The following STAT1 variants were observed in gnomAD, a reference collection of about 807,000 sequenced individuals.
STAT1 encodes signal transducer and activator of transcription 1.
Under a neutral mutation model 111.7 loss-of-function variants are expected in STAT1, and 24 were observed. The ratio of observed to expected loss-of-function variants is 0.21; its 90% CI spans 0.16 to 0.30. The LOEUF is 0.30. STAT1 is among the 10% of genes least tolerant of loss of function. The pLI, the probability that STAT1 is intolerant of heterozygous loss-of-function variation, is 1.00. For missense variants in STAT1, 351 were observed against 911.9 expected (o/e 0.38, Z 7.92); for synonymous variants, 332 against 326.5 (o/e 1.02, Z -0.18).
chr2:190,991,411 A>G (rs571491359), intron 10 of STAT1, 91 bp from the exon 11 acceptor site: 1 of 1,137,434 alleles, frequency 8.8e-7, no homozygotes, highest in African/African-American at 1.5e-5. Flanking sequence ...AAAGGGGGTT[A>G]GAGAGTACGA....
rs1238513693 is a variant in STAT1, at chr2:190,980,502, C to G, written c.1632+118G>C. 17 of 1,237,432 alleles carry G rather than the reference C, an allele frequency of 1.4e-5. No homozygotes were observed. Among genetic ancestry groups the G allele is most frequent in the Non-Finnish European group, 2.0e-5 (17 of 840,914 alleles). 76.7% of individuals were successfully genotyped at this position (1,237,432 alleles called of 1,614,324 possible). ...ACAACTTGCCCGAGGGGCTCCTTGG[C>G]CAGAGAAGAACACGCCAAAATAAGC... On this transcript the variant is annotated intron_variant, in intron 19 of 24. Transcript: ENST00000361099. This position sits in a 1 kb window ranked among gnomAD's most constrained non-coding sequence, Gnocchi z 6.1.
chr2:190,985,286 T>C (rs1692716106), intron 15 of STAT1, among the ~76,000 whole-genome samples: 1 of 152,224 alleles, frequency 6.6e-6, no homozygotes, highest in South Asian at 2.1e-4. Flanking sequence ...ACTCTGACAG[T>C]AACTCTGTGC....
rs1574632851 is a variant in STAT1 at position 190,970,851 on chromosome 2, A to G, written c.2239-134T>C. The stretch of plus-strand genomic sequence containing the variant: ...TTGCAATGGCAAATAAATACCGTGG[A>G]ATAAGAGGGCCTTCAGCATGTACTA... On this transcript the variant is annotated intron_variant, in intron 24 of 24. Coordinates refer to ENST00000361099, the MANE Select transcript of STAT1 (RefSeq NM_007315.4). This position sits in a 1 kb window ranked among gnomAD's most constrained non-coding sequence, Gnocchi z 5.4. 3 of 835,716 alleles carry G rather than the reference A, an allele frequency of 3.6e-6. No individual in the cohort carries two copies. In the East Asian group the frequency reaches 7.8e-5, roughly 22 times the overall value. The allele number at this position is 835,716 out of a possible 1,614,324, so 51.8% of individuals were successfully genotyped here.
At position 190,981,264 on chromosome 2, in the gene STAT1, C is replaced by T. The variant is rs1295218088; in HGVS notation, c.1583-595G>A. On this transcript the variant is annotated intron_variant, in intron 18 of 24. Coordinates refer to ENST00000361099, the MANE Select transcript of STAT1 (RefSeq NM_007315.4). The surrounding 1 kb of genome is among the most constrained non-coding windows in gnomAD (Gnocchi z 4.1). ...TTCAACCTAGGTGCCCAAGATCACC[C>T]CTAGATCTTCAATGTAACTGATACT... 6.6e-6 allele frequency among the ~76,000 whole-genome samples: 1 copy of T among 152,110 alleles called. No homozygotes were observed. Among genetic ancestry groups the T allele is most frequent in the African/African-American group, 2.4e-5 (1 of 41,398 alleles).
Position 191,009,074 on chromosome 2 carries a change from G to A in STAT1, c.162C>T (p.Thr54=), listed in dbSNP as rs757262564. The change falls in exon 4 of 25, where the codon ACC becomes ACT. Residue 54 remains threonine (T), a synonymous_variant. Coordinates refer to ENST00000361099, the MANE Select transcript of STAT1 (RefSeq NM_007315.4). Reference sequence around the variant, plus strand: ...GTGACAGGAGGTCATGAAAACGGATGGTGGCAAATGAAACATCATTGGCAG... The same window carrying A: ...GTGACAGGAGGTCATGAAAACGGATAGTGGCAAATGAAACATCATTGGCAG... ...EHAANDVSFA[T]IRFHDLLSQL... is the part of the protein sequence containing the mutation. The A allele has an allele frequency of 8.1e-6, 13 of 1,613,944 alleles. No homozygotes were observed. In the South Asian group the frequency reaches 1.1e-4, roughly 14 times the overall value.
In STAT1 at chr2:190,998,453, G is replaced by A. The variant is rs1272212478; in HGVS notation, c.542-145C>T. The A allele has an allele frequency of 1.6e-5, 11 of 703,944 alleles. No homozygotes were observed. The highest frequency in any genetic ancestry group is 4.7e-5 in the Admixed American group (2 of 42,822). The allele number at this position is 703,944 out of a possible 1,614,324, so 43.6% of individuals were successfully genotyped here. A position where few individuals can be genotyped will look rare whatever the true frequency, so the allele number is the denominator to read the frequency against. On this transcript the variant is annotated intron_variant, in intron 7 of 24. Coordinates refer to ENST00000361099, the MANE Select transcript of STAT1 (RefSeq NM_007315.4). The surrounding 1 kb of genome is among the most constrained non-coding windows in gnomAD (Gnocchi z 4.1). ...GCTTTCTTCGATCTTTAATGAACAT[G>A]AAAAAAAGTCCTAAGTATAACAACT...
chr2:191,014,125 C>A lies in STAT1; in HGVS notation c.-263G>T, dbSNP rs371724653. 3.2e-5 allele frequency: 5 copies of A among 155,808 alleles called. No homozygotes were observed. The highest frequency in any genetic ancestry group is 3.7e-4 in the East Asian group (2 of 5,432). 9.7% of individuals were successfully genotyped at this position (155,808 alleles called of 1,614,324 possible). A position where few individuals can be genotyped will look rare whatever the true frequency, so the allele number is the denominator to read the frequency against. ...CTGGGGTCTGCCAGGCGCGATCCCC[C>A]CGGTGCAGCCGAGCCCCTCCGCAGA... On this transcript the variant is annotated 5_prime_UTR_variant, in exon 1 of 25. Transcript: ENST00000361099.
At chr2:191,002,296 G>A (rs1694331530) in intron 5 of STAT1, among the ~76,000 whole-genome samples, 1 of 152,110 alleles carries the variant, frequency 6.6e-6, no homozygotes. Flanking sequence ...CCAGTGCTCT[G>A]AGCTGCCAAC....
At chr2:190,988,909 G>GT (rs1184137136) in intron 12 of STAT1, among the ~76,000 whole-genome samples, 1 of 150,734 alleles carries the variant, frequency 6.6e-6, no homozygotes, top group Non-Finnish European at 1.5e-5. Context: ...TATGGGAGGG[G>GT]TGGGGGGGGA....
In STAT1 at chr2:190,996,724, T is replaced by C. The variant is rs1170943947; in HGVS notation, c.785+1132A>G. 6.6e-6 allele frequency among the ~76,000 whole-genome samples: 1 copy of C among 152,242 alleles called. No homozygotes were observed. Among genetic ancestry groups the C allele is most frequent in the Non-Finnish European group, 1.5e-5 (1 of 68,042 alleles). On this transcript the variant is annotated intron_variant, in intron 9 of 24. Coordinates refer to ENST00000361099, the MANE Select transcript of STAT1 (RefSeq NM_007315.4). This position sits in a 1 kb window ranked among gnomAD's most constrained non-coding sequence, Gnocchi z 4.5. Reference sequence around the variant, plus strand: ...ATGGCTGAATATTAATTGTGATTTTTTTAAAAACTGGCAATATAGAAAATA... The same window carrying C: ...ATGGCTGAATATTAATTGTGATTTTCTTAAAAACTGGCAATATAGAAAATA...
Position 190,998,464 on chromosome 2 carries a change from C to G in STAT1, c.542-156G>C, listed in dbSNP as rs577914215. Among the ~76,000 whole-genome samples, 5 of 152,104 alleles carry G rather than the reference C, an allele frequency of 3.3e-5. No homozygotes were observed. In the East Asian group the frequency reaches 9.7e-4, roughly 29 times the overall value. On this transcript the variant is annotated intron_variant, in intron 7 of 24. Transcript: ENST00000361099. The surrounding 1 kb of genome is among the most constrained non-coding windows in gnomAD (Gnocchi z 4.1). ...TCTTTAATGAACATGAAAAAAAGTC[C>G]TAAGTATAACAACTAGACACACTGA...
In STAT1 at chr2:190,984,253, T is replaced by C; in HGVS notation, c.1347+57A>G. On this transcript the variant is annotated intron_variant, in intron 16 of 24. Coordinates refer to ENST00000361099, the MANE Select transcript of STAT1 (RefSeq NM_007315.4). The surrounding 1 kb of genome is among the most constrained non-coding windows in gnomAD (Gnocchi z 5.2). ...AAACACTGAGAAATAAAAATACATGTAACAATTAAAAGTAAAAATAATGAA... is the reference window on the plus strand; with the variant it reads ...AAACACTGAGAAATAAAAATACATGCAACAATTAAAAGTAAAAATAATGAA... 7.4e-7 allele frequency: 1 copy of C among 1,356,874 alleles called. No homozygotes were observed. The highest frequency in any genetic ancestry group is 1.7e-5 in the Admixed American group (1 of 58,764). The allele number at this position is 1,356,874 out of a possible 1,614,324, so 84.1% of individuals were successfully genotyped here.
In STAT1 at chr2:190,980,481, C is replaced by G. The variant is rs1017372441; in HGVS notation, c.1632+139G>C. 1.0e-6 allele frequency: 1 copy of G among 996,668 alleles called. No individual in the cohort carries two copies. Among genetic ancestry groups the G allele is most frequent in the Non-Finnish European group, 1.6e-6 (1 of 634,940 alleles). 61.7% of individuals were successfully genotyped at this position (996,668 alleles called of 1,614,324 possible). On this transcript the variant is annotated intron_variant, in intron 19 of 24. Transcript: ENST00000361099. This position sits in a 1 kb window ranked among gnomAD's most constrained non-coding sequence, Gnocchi z 6.1. ...TCCTGCACTGAAGAAAAGTAAACAA[C>G]TTGCCCGAGGGGCTCCTTGGCCAGA... is the stretch of plus-strand genomic sequence containing the variant.
At position 190,994,955 on chromosome 2, in the gene STAT1, TATAA is replaced by T. The variant is rs72330702; in HGVS notation, c.944+102_944+105del. On this transcript the variant is annotated intron_variant, in intron 10 of 24. Coordinates refer to ENST00000361099, the MANE Select transcript of STAT1 (RefSeq NM_007315.4). ...ATATATATATATATATATATATATA[TATAA>T]AAAACACCTATTAAACCCTTGTAAA... The T allele has an allele frequency of 0.024, 9,607 of 401,558 alleles. 370 individuals carry two copies. Among genetic ancestry groups the T allele is most frequent in the African/African-American group, 0.094 (3,396 of 36,110 alleles). The allele number at this position is 401,558 out of a possible 1,614,324, so 24.9% of individuals were successfully genotyped here. A position where few individuals can be genotyped will look rare whatever the true frequency, so the allele number is the denominator to read the frequency against.
At position 190,987,095 on chromosome 2, in the gene STAT1, T is replaced by C. The variant is rs777085599; in HGVS notation, c.1098-27A>G. 9.7e-6 allele frequency: 15 copies of C among 1,543,978 alleles called. No individual in the cohort carries two copies. Among genetic ancestry groups the C allele is most frequent in the African/African-American group, 6.8e-5 (5 of 73,242 alleles). ...TGCAAAAAAAATATATATAATCACA[T>C]ATGCGTATTTAAAATTTGAAATAAG... On this transcript the variant is annotated intron_variant, in intron 12 of 24. Transcript: ENST00000361099. This position sits in a 1 kb window ranked among gnomAD's most constrained non-coding sequence, Gnocchi z 4.0.
chr2:190,991,453 T>C (rs1032295536), intron 10 of STAT1, 133 bp from the exon 11 acceptor site: 3 of 836,902 alleles, frequency 3.6e-6, no homozygotes, highest in Admixed American at 2.1e-5. Context: ...TTCTGACAAG[T>C]TGGATGAACA....
In STAT1 at chr2:191,012,775, C is replaced by T. The variant is rs1695237453; in HGVS notation, c.-2+750G>A. 1.3e-5 allele frequency among the ~76,000 whole-genome samples: 2 copies of T among 152,238 alleles called. No homozygotes were observed. Among genetic ancestry groups the T allele is most frequent in the African/African-American group, 4.8e-5 (2 of 41,458 alleles). ...TTTACTGTTTTTCAACTGTGCCCAA[C>T]ATTTCTGCTTTGCTCCAGCTACTCG... On this transcript the variant is annotated intron_variant, in intron 2 of 24. Transcript: ENST00000361099. This position sits in a 1 kb window ranked among gnomAD's most constrained non-coding sequence, Gnocchi z 4.0.
In STAT1 at chr2:190,982,703, TACTC is replaced by T. The variant is rs1349163000; in HGVS notation, c.1447-189_1447-186del. 6.6e-6 allele frequency among the ~76,000 whole-genome samples: 1 copy of T among 152,236 alleles called. No individual in the cohort carries two copies. The highest frequency in any genetic ancestry group is 1.5e-5 in the Non-Finnish European group (1 of 68,038). On this transcript the variant is annotated intron_variant, in intron 17 of 24. Transcript: ENST00000361099. The surrounding 1 kb of genome is among the most constrained non-coding windows in gnomAD (Gnocchi z 7.3). ...ACAGATGCACATTTGTGAACTTGTT[TACTC>T]ACTAAAATTTACTTGTAACTCCAAA...
chr2:190,974,195 T>C lies in STAT1; in HGVS notation c.2238+635A>G, dbSNP rs1264445005. Among the ~76,000 whole-genome samples the C allele has an allele frequency of 4.0e-5, 3 of 74,726 alleles. No homozygotes were observed. Among genetic ancestry groups the C allele is most frequent in the Non-Finnish European group, 5.3e-5 (2 of 38,044 alleles). 49.0% of individuals were successfully genotyped at this position (74,726 alleles called of 152,430 possible). ...TAGGCTGAAAGGCAAACAATACTAG[T>C]TGATATACTAAAAAAGCACCCTCCA... On this transcript the variant is annotated intron_variant, in intron 24 of 24. Coordinates refer to ENST00000361099, the MANE Select transcript of STAT1 (RefSeq NM_007315.4). This position sits in a 1 kb window ranked among gnomAD's most constrained non-coding sequence, Gnocchi z 4.8.
Sources: allele counts gnomAD v4.1 joint callset (sites outside exome capture counted in the v4.1 genomes callset), GRCh38; gene constraint gnomAD v4.1.1; non-coding constraint Gnocchi (gnomAD v3.1); transcripts MANE v1.5; gene names NCBI Gene and HGNC (gene_info 2026-07-23, HGNC 2026-07-21).